Variants in CYP27A1 observed in about 807,000 individuals in gnomAD.
The protein encoded by CYP27A1 is sterol 26-hydroxylase, mitochondrial.
In CYP27A1, 46 loss-of-function variants were observed where a neutral mutation model predicts 58.2. The ratio of observed to expected loss-of-function variants is 0.79; its 90% CI spans 0.62 to 1.01. The LOEUF is 1.01. CYP27A1 is among the 50% of genes least tolerant of loss of function. The pLI is 0.00. For synonymous variants in CYP27A1, 274 were observed against 285.1 expected, an observed-to-expected ratio of 0.96 and a Z score of 0.39; for missense variants, 704 against 687.0, an observed-to-expected ratio of 1.02 and a Z score of -0.28.
At chr2:218,798,681 G>A (rs1382641668) in intron 1 of CYP27A1, among the ~76,000 whole-genome samples, 2 of 152,112 alleles carry the variant, frequency 1.3e-5, no homozygotes, top group African/African-American at 4.8e-5. Flanking sequence ...CTAGGAATTC[G>A]AGACCAGCCT....
At chr2:218,813,568 G>A (rs1453834062) in intron 5 of CYP27A1, among the ~76,000 whole-genome samples, 1 of 152,130 alleles carries the variant, frequency 6.6e-6, no homozygotes, top group African/African-American at 2.4e-5. Context: ...TGGGATTACA[G>A]TTGTGCACCA....
intron 1 of CYP27A1, among the ~76,000 whole-genome samples, chr2:218,794,750 A>G (rs1559387431): frequency 6.6e-6 from 1 of 152,148 alleles, no homozygotes; most frequent in Non-Finnish European, 1.5e-5. Flanking sequence ...CTATCAGTGA[A>G]GAGAGGACAG....
intron 1 of CYP27A1, among the ~76,000 whole-genome samples, chr2:218,799,809 G>T (rs1214196856): frequency 2.0e-5 from 3 of 150,562 alleles, no homozygotes; most frequent in South Asian, 2.1e-4. Context: ...GTAATTTTTT[G>T]ACCATAACCA....
intron 1 of CYP27A1, among the ~76,000 whole-genome samples, chr2:218,800,533 G>A (rs1243431261): frequency 6.6e-6 from 1 of 152,092 alleles, no homozygotes; most frequent in Non-Finnish European, 1.5e-5. Context: ...ACGATTACAT[G>A]CTAATTTTGT....
intron 1 of CYP27A1, among the ~76,000 whole-genome samples, chr2:218,793,985 A>G (rs1209199699): frequency 6.6e-6 from 1 of 152,208 alleles, no homozygotes; most frequent in East Asian, 1.9e-4. Flanking sequence ...CACAACCAGG[A>G]AAGATTAGGC....
chr2:218,813,903 C>A, intron 5 of CYP27A1, 118 bp from the exon 6 acceptor site: 1 of 1,133,084 alleles, frequency 8.8e-7, no homozygotes, highest in Non-Finnish European at 1.3e-6. Context: ...TTTTTTCCTG[C>A]TAGGCTAGTG....
At chr2:218,796,595 AAAAC>A (rs1020317468) in intron 1 of CYP27A1, among the ~76,000 whole-genome samples, 4 of 152,200 alleles carry the variant, frequency 2.6e-5, no homozygotes, top group Admixed American at 6.5e-5. Flanking sequence ...CTCTGTCTCA[AAAAC>A]AAACAAACAA....
Position 218,782,396 on chromosome 2 carries a change from C to G in CYP27A1, c.214C>G (p.Leu72Val). ...AGGACAGCTGCGCTTCTTCTTTCAG[C>G]TGTTCGTTCAAGGCTATGCCCTGCA... ...RLGQLRFFFQ[L>V]FVQGYALQLH... The change falls in exon 1 of 9, where the codon CTG becomes GTG. Residue 72 changes from leucine to valine, a missense_variant. Transcript: ENST00000258415. This position sits in a 1 kb window ranked among gnomAD's most constrained non-coding sequence, Gnocchi z 4.1. The G allele has an allele frequency of 6.2e-7, 1 of 1,614,212 alleles. No homozygotes were observed. The highest frequency in any genetic ancestry group is 1.1e-5 in the South Asian group (1 of 91,084).
intron 1 of CYP27A1, among the ~76,000 whole-genome samples, chr2:218,788,285 G>C (rs963078063): frequency 2.0e-5 from 3 of 152,210 alleles, no homozygotes; most frequent in African/African-American, 7.2e-5. Context: ...CAGCATGGTG[G>C]TCTTAGAACA....
At chr2:218,799,145 C>A (rs1943575143) in intron 1 of CYP27A1, among the ~76,000 whole-genome samples, 1 of 152,116 alleles carries the variant, frequency 6.6e-6, no homozygotes, top group African/African-American at 2.4e-5. Context: ...GACAAACTGC[C>A]CCAAAAAGTT....
intron 1 of CYP27A1, among the ~76,000 whole-genome samples, chr2:218,803,261 T>C (rs1943616561): frequency 6.6e-6 from 1 of 152,138 alleles, no homozygotes; most frequent in Non-Finnish European, 1.5e-5. Flanking sequence ...GCCCAGCCAT[T>C]CTTTGCTTAT....
intron 1 of CYP27A1, among the ~76,000 whole-genome samples, chr2:218,794,853 A>G (rs1158690894): frequency 6.6e-6 from 1 of 152,142 alleles, no homozygotes; most frequent in Non-Finnish European, 1.5e-5. Context: ...AAGAATGGCT[A>G]CTCATCTAGA....
At chr2:218,813,476 A>C (rs1372744323) in intron 5 of CYP27A1, among the ~76,000 whole-genome samples, 1 of 152,040 alleles carries the variant, frequency 6.6e-6, no homozygotes, top group African/African-American at 2.4e-5. Flanking sequence ...CCCAGGCTTG[A>C]GTGCAGTGGC....
Position 218,812,848 on chromosome 2 carries a change from T to C in CYP27A1, c.845-76T>C, listed in dbSNP as rs953875574. 5.6e-6 allele frequency: 9 copies of C among 1,607,284 alleles called. No individual in the cohort carries two copies. In the South Asian group the frequency reaches 6.6e-5, roughly 12 times the overall value. On this transcript the variant is annotated intron_variant, in intron 4 of 8. Coordinates refer to ENST00000258415, the MANE Select transcript of CYP27A1 (RefSeq NM_000784.4). ...CAGGCCTTTTCCCTCATGCTACCAGTTGTCGGAGTGGCTCTTGGTCCTTGG... is the reference window on the plus strand; with the variant it reads ...CAGGCCTTTTCCCTCATGCTACCAGCTGTCGGAGTGGCTCTTGGTCCTTGG...
At chr2:218,809,537 C>G in intron 1 of CYP27A1, 40 bp from the exon 2 acceptor site, 1 of 1,600,944 alleles carries the variant, frequency 6.2e-7, no homozygotes, top group Non-Finnish European at 8.5e-7. Flanking sequence ...AGCACCTGCC[C>G]AGCTTGGCCC....
At chr2:218,797,243 G>A (rs1408720070) in intron 1 of CYP27A1, among the ~76,000 whole-genome samples, 1 of 152,038 alleles carries the variant, frequency 6.6e-6, no homozygotes, top group Non-Finnish European at 1.5e-5. Flanking sequence ...GGGATTACAG[G>A]CGCCCACCAC....
rs868195486 is a variant in CYP27A1 at position 218,782,193 on chromosome 2, T to C, written c.11T>C (p.Leu4Pro). 3 of 1,537,414 alleles carry C rather than the reference T, an allele frequency of 2.0e-6. No individual in the cohort carries two copies. Among genetic ancestry groups the C allele is most frequent in the Admixed American group, 2.0e-5 (1 of 50,924 alleles). The change falls in exon 1 of 9, where the codon CTG (leucine) becomes CCG (proline). Residue 4 changes from leucine to proline, a missense_variant. By Grantham distance (98) the Leu-to-Pro change is moderately conservative. Coordinates refer to ENST00000258415, the MANE Select transcript of CYP27A1 (RefSeq NM_000784.4). The surrounding 1 kb of genome is among the most constrained non-coding windows in gnomAD (Gnocchi z 4.1). Reference sequence around the variant, plus strand: ...GCGCGAGCACAACCCATGGCTGCGCTGGGCTGCGCGAGGCTGAGGTGGGCG... The same window carrying C: ...GCGCGAGCACAACCCATGGCTGCGCCGGGCTGCGCGAGGCTGAGGTGGGCG... MAA[L>P]GCARLRWALR...
At chr2:218,812,187 G>A in intron 2 of CYP27A1, 35 bp from the exon 3 acceptor site, 2 of 1,567,142 alleles carry the variant, frequency 1.3e-6, no homozygotes, top group Non-Finnish European at 1.8e-6. Context: ...CCCCATAGAG[G>A]CTTATCTTTG....
chr2:218,793,951 C>A (rs962542121), intron 1 of CYP27A1, among the ~76,000 whole-genome samples: 1 of 151,962 alleles, frequency 6.6e-6, no homozygotes, highest in African/African-American at 2.4e-5. Context: ...CTTCTTAGTT[C>A]AATTAAAAAT....
Sources: gnomAD v4.1 joint callset for allele counts (sites outside exome capture counted in the v4.1 genomes callset) on GRCh38, gnomAD v4.1.1 for gene constraint, Gnocchi (gnomAD v3.1) non-coding constraint, MANE v1.5 for transcripts, NCBI Gene and HGNC (gene_info 2026-07-23, HGNC 2026-07-21) for gene names.